KCTD16: variants seen among roughly 807,000 people sequenced by gnomAD.
KCTD16 encodes the protein potassium channel tetramerization domain containing 16.
In KCTD16, 13 loss-of-function variants were observed where a neutral mutation model predicts 33.2. That is an observed-to-expected ratio of 0.39 (90% confidence interval 0.25 to 0.62). KCTD16 has a LOEUF of 0.62. KCTD16 is among the 20% of genes least tolerant of loss of function. The pLI is 0.50. For missense variants in KCTD16, 441 were observed against 525.1 expected (o/e 0.84, Z 1.57); for synonymous variants, 197 against 195.3 (o/e 1.01, Z -0.07).
intron 3 of KCTD16, among the ~76,000 whole-genome samples, chr5:144,295,738 C>A (rs1227212593): frequency 6.6e-6 from 1 of 152,098 alleles, no homozygotes; most frequent in Non-Finnish European, 1.5e-5. Flanking sequence ...CCAGATTATC[C>A]AAATGGGCTC....
chr5:144,463,306 A>G (rs909338353), intron 3 of KCTD16, among the ~76,000 whole-genome samples: 3 of 152,240 alleles, frequency 2.0e-5, no homozygotes, highest in Non-Finnish European at 4.4e-5. Flanking sequence ...TATTATTTAT[A>G]TAGTTCTCTC....
intron 2 of KCTD16, among the ~76,000 whole-genome samples, chr5:144,191,921 C>A (rs1274129092): frequency 6.6e-6 from 1 of 151,228 alleles, no homozygotes; most frequent in African/African-American, 2.4e-5. Context: ...AAGTGAATTT[C>A]TTTCACCATT....
chr5:144,174,269 A>T (rs533969912), intron 1 of KCTD16, 38 bp from the exon 2 acceptor site: 5 of 152,330 alleles, frequency 3.3e-5, no homozygotes, highest in African/African-American at 4.8e-5. Context: ...TGAAACTAAG[A>T]TATTTTAGAG....
intron 3 of KCTD16, among the ~76,000 whole-genome samples, chr5:144,348,497 G>A (rs140127903): frequency 6.6e-6 from 1 of 152,292 alleles, no homozygotes; most frequent in African/African-American, 2.4e-5. Context: ...CATCCTCATC[G>A]TGTTACTTCA....
rs562998188 is a variant in KCTD16 at position 144,434,670 on chromosome 5, C to G, written c.833-38990C>G. Among the ~76,000 whole-genome samples, 9 of 152,220 alleles carry G rather than the reference C, an allele frequency of 5.9e-5. No homozygotes were observed. In the East Asian group the frequency reaches 1.7e-3, roughly 29 times the overall value. ...GATGTTTTAAAACAATCATCCAAAG[C>G]CTACTCCTTCATTCTTGTTGAAGTG... On this transcript the variant is annotated intron_variant, in intron 3 of 3. Transcript: ENST00000512467.
chr5:144,262,682 T>C (rs1030505724), intron 3 of KCTD16, among the ~76,000 whole-genome samples: 1 of 152,238 alleles, frequency 6.6e-6, no homozygotes, highest in Non-Finnish European at 1.5e-5. Flanking sequence ...ACCTTCCTAC[T>C]TCTTTGGAGC....
chr5:144,325,017 G>A (rs188425229), intron 3 of KCTD16, among the ~76,000 whole-genome samples: 22 of 152,302 alleles, frequency 1.4e-4, no homozygotes, highest in African/African-American at 5.1e-4. Flanking sequence ...CTGCAAACCC[G>A]TGGTACACGT....
chr5:144,180,672 T>C (rs952840683), intron 2 of KCTD16, among the ~76,000 whole-genome samples: 1 of 152,238 alleles, frequency 6.6e-6, no homozygotes, highest in Non-Finnish European at 1.5e-5. Context: ...CTGCTGATGC[T>C]GGCTGCAGGT....
At chr5:144,223,896 C>A (rs1026802949) in intron 3 of KCTD16, among the ~76,000 whole-genome samples, 1 of 151,928 alleles carries the variant, frequency 6.6e-6, no homozygotes, top group African/African-American at 2.4e-5. Flanking sequence ...TTCCTTTTAT[C>A]CTGGTGGTCC....
chr5:144,308,409 A>G (rs1751667160), intron 3 of KCTD16, among the ~76,000 whole-genome samples: 1 of 152,128 alleles, frequency 6.6e-6, no homozygotes, highest in Non-Finnish European at 1.5e-5. Flanking sequence ...GGCAGATTCT[A>G]ATTTGAACTG....
chr5:144,350,138 C>G (rs896577646), intron 3 of KCTD16, among the ~76,000 whole-genome samples: 2 of 152,126 alleles, frequency 1.3e-5, no homozygotes, highest in African/African-American at 4.8e-5. Flanking sequence ...TGTTATGACC[C>G]CTGTAGGTAT....
At chr5:144,378,032 G>A (rs1167940926) in intron 3 of KCTD16, among the ~76,000 whole-genome samples, 2 of 152,112 alleles carry the variant, frequency 1.3e-5, no homozygotes, top group African/African-American at 2.4e-5. Context: ...AGAAGGGGAC[G>A]TTAATTATAA....
intron 2 of KCTD16, among the ~76,000 whole-genome samples, chr5:144,187,367 G>A (rs988179325): frequency 2.6e-5 from 4 of 152,046 alleles, no homozygotes; most frequent in African/African-American, 7.2e-5. Flanking sequence ...CTAACAGGGA[G>A]GGATTAAAAA....
intron 3 of KCTD16, among the ~76,000 whole-genome samples, chr5:144,239,062 C>T (rs1754330670): frequency 6.6e-6 from 1 of 152,162 alleles, no homozygotes; most frequent in African/African-American, 2.4e-5. Context: ...GAAGAGTCCT[C>T]AATTGCCACT....
At chr5:144,235,006 C>A (rs959022950) in intron 3 of KCTD16, among the ~76,000 whole-genome samples, 2 of 152,000 alleles carry the variant, frequency 1.3e-5, no homozygotes, top group Non-Finnish European at 2.9e-5. Context: ...TAAAAGCCAT[C>A]CAATAAGCAA....
chr5:144,265,455 G>A (rs755868749), intron 3 of KCTD16, among the ~76,000 whole-genome samples: 2 of 152,134 alleles, frequency 1.3e-5, no homozygotes, highest in Non-Finnish European at 2.9e-5. Flanking sequence ...CGATCTCCTT[G>A]TAATACTTTG....
chr5:144,221,257 T>C (rs1753739084), intron 3 of KCTD16, among the ~76,000 whole-genome samples: 1 of 152,048 alleles, frequency 6.6e-6, no homozygotes, highest in Non-Finnish European at 1.5e-5. Context: ...AGAGAGACAT[T>C]AAATCTGCTT....
intron 3 of KCTD16, among the ~76,000 whole-genome samples, chr5:144,394,252 A>G (rs868099547): frequency 6.6e-6 from 1 of 152,192 alleles, no homozygotes; most frequent in Admixed American, 6.5e-5. Context: ...ATATGTCAGT[A>G]AACTCTTTTC....
intron 3 of KCTD16, among the ~76,000 whole-genome samples, chr5:144,347,745 G>T (rs543373921): frequency 6.6e-6 from 1 of 152,314 alleles, no homozygotes; most frequent in Non-Finnish European, 1.5e-5. Flanking sequence ...GCTGACAGCT[G>T]TCCCTTTCCA....
Sources: gnomAD v4.1 joint callset for allele counts (sites outside exome capture counted in the v4.1 genomes callset) on GRCh38, gnomAD v4.1.1 for gene constraint, MANE v1.5 for transcripts, NCBI Gene and HGNC (gene_info 2026-07-23, HGNC 2026-07-21) for gene names.